The following NNMT variants were observed in gnomAD, a reference collection of about 807,000 sequenced individuals.
The protein encoded by NNMT is nicotinamide N-methyltransferase.
NNMT carries 10 observed loss-of-function variants against 11.7 expected under a neutral mutation model. That is an observed-to-expected ratio of 0.85 (90% CI 0.53 to 1.45). The LOEUF (loss-of-function observed/expected upper bound fraction) is 1.45, where lower values mean the gene tolerates loss of function less well. NNMT is among the 40% of genes most tolerant of loss of function. The pLI, the probability that NNMT is intolerant of heterozygous loss-of-function variation, is 0.00. For missense variants in NNMT, 381 were observed against 319.4 expected (o/e 1.19, Z -1.47); for synonymous variants, 143 against 133.8 (o/e 1.07, Z -0.48).
At chr11:114,266,864 C>T (rs987423520) in intron 2 of NNMT, among the ~76,000 whole-genome samples, 4 of 152,244 alleles carry the variant, frequency 2.6e-5, no homozygotes, top group African/African-American at 9.6e-5. Flanking sequence ...GTGCCATGCC[C>T]TTGGACTTCC....
chr11:114,301,656 A>G (rs1945440232), intron 2 of NNMT, among the ~76,000 whole-genome samples: 1 of 152,022 alleles, frequency 6.6e-6, no homozygotes, highest in South Asian at 2.1e-4. Context: ...TTTTTAGAGC[A>G]GTGAGACTAC....
At chr11:114,267,352 C>T (rs10082585) in intron 2 of NNMT, among the ~76,000 whole-genome samples, 46,578 of 151,942 alleles carry the variant, frequency 0.31, 8,028 homozygotes, top group African/African-American at 0.47. Context: ...TATTTGTTTA[C>T]TTGTCATGGT....
intron 2 of NNMT, among the ~76,000 whole-genome samples, chr11:114,288,180 T>C (rs1945311841): frequency 6.6e-6 from 1 of 152,198 alleles, no homozygotes; most frequent in South Asian, 2.1e-4. Flanking sequence ...GTAACAGTTT[T>C]TTCTTTTTCC....
intron 2 of NNMT, among the ~76,000 whole-genome samples, chr11:114,284,968 A>G (rs971579893): frequency 4.0e-5 from 6 of 151,404 alleles, no homozygotes; most frequent in Non-Finnish European, 8.8e-5. Flanking sequence ...CAGTTTCATC[A>G]TGTTGGCGAG....
At chr11:114,309,151 T>A (rs994807473) in intron 2 of NNMT, among the ~76,000 whole-genome samples, 2 of 152,250 alleles carry the variant, frequency 1.3e-5, no homozygotes, top group Non-Finnish European at 1.5e-5. Context: ...CCTTTTGATA[T>A]ACACTTTATT....
At chr11:114,303,478 T>G (rs1945458751) in intron 2 of NNMT, among the ~76,000 whole-genome samples, 1 of 152,202 alleles carries the variant, frequency 6.6e-6, no homozygotes, top group African/African-American at 2.4e-5. Flanking sequence ...TTAGAATTAT[T>G]TGGACATATT....
At position 114,312,100 on chromosome 11, in the gene NNMT, A is replaced by C. The variant is rs1229700417; in HGVS notation, c.418A>C (p.Lys140Gln). 6.2e-7 allele frequency: 1 copy of C among 1,609,998 alleles called. No homozygotes were observed. Among genetic ancestry groups the C allele is most frequent in the Non-Finnish European group, 8.5e-7 (1 of 1,177,192 alleles). The change falls in exon 3 of 3, where the codon AAG becomes CAG. Residue 140 changes from lysine (K) to glutamine (Q), a missense_variant. Transcript: ENST00000299964. Reference protein sequence around the residue: ...KLRQAVKQVLKCDVTQSQPLG... With the variant: ...KLRQAVKQVLQCDVTQSQPLG... Reference sequence around the variant, plus strand: ...GAGACAGGCGGTCAAGCAGGTGCTGAAGTGTGATGTGACTCAGAGCCAGCC... The same window carrying C: ...GAGACAGGCGGTCAAGCAGGTGCTGCAGTGTGATGTGACTCAGAGCCAGCC...
chr11:114,296,470 A>T lies in NNMT; in HGVS notation c.-87A>T. The T allele has an allele frequency of 2.8e-6, 4 of 1,441,586 alleles. No individual in the cohort carries two copies. The highest frequency in any genetic ancestry group is 3.8e-6 in the Non-Finnish European group (4 of 1,057,048). The allele number at this position is 1,441,586 out of a possible 1,614,324, so 89.3% of individuals were successfully genotyped here. A position where few individuals can be genotyped will look rare whatever the true frequency, so the allele number is the denominator to read the frequency against. Reference sequence around the variant, plus strand: ...AAGGAATGCTGTTAGCCTGAGACTCAGGAAGACAACTTCTGCAGGGTCACT... The same window carrying T: ...AAGGAATGCTGTTAGCCTGAGACTCTGGAAGACAACTTCTGCAGGGTCACT... On this transcript the variant is annotated 5_prime_UTR_variant, in exon 1 of 3. Coordinates refer to ENST00000299964, the MANE Select transcript of NNMT (RefSeq NM_006169.3).
chr11:114,308,207 A>T (rs2135282929), intron 2 of NNMT, among the ~76,000 whole-genome samples: 1 of 152,284 alleles, frequency 6.6e-6, no homozygotes, highest in Middle Eastern at 3.4e-3. Context: ...TCTGTCAAAG[A>T]TGCACTAATG....
chr11:114,301,330 G>A (rs1945437734), intron 2 of NNMT, among the ~76,000 whole-genome samples: 3 of 152,134 alleles, frequency 2.0e-5, no homozygotes. Context: ...GATGTTTATA[G>A]TAGCTATATT....
At chr11:114,271,929 G>A (rs1353282349) in intron 2 of NNMT, among the ~76,000 whole-genome samples, 1 of 152,088 alleles carries the variant, frequency 6.6e-6, no homozygotes, top group African/African-American at 2.4e-5. Flanking sequence ...AAAGCCTGGG[G>A]GTTGGTTGAG....
intron 2 of NNMT, among the ~76,000 whole-genome samples, chr11:114,286,146 G>A (rs1245560364): frequency 6.6e-6 from 1 of 152,146 alleles, no homozygotes; most frequent in Non-Finnish European, 1.5e-5. Context: ...GAGTGAAAAA[G>A]AAACACTAGG....
chr11:114,294,643 AC>A, upstream of NNMT, among the ~76,000 whole-genome samples: 1 of 152,200 alleles, frequency 6.6e-6, no homozygotes, highest in East Asian at 1.9e-4. Flanking sequence ...AGTGGTGGAT[AC>A]CCCATTTACC....
Position 114,278,612 on chromosome 11 carries a change from ATGTG to A in NNMT, c.-130+15702_-130+15705del, listed in dbSNP as rs3057704. Among the ~76,000 whole-genome samples the A allele has an allele frequency of 7.6e-4, 112 of 147,120 alleles. 1 individual carries two copies. The highest frequency in any genetic ancestry group is 2.4e-3 in the East Asian group (12 of 4,936). ...GGGGTGGGAGGTGGACCTAATACTC[ATGTG>A]TGTGTGTGTGTGTGTGTGTGTGTAT... On this transcript the variant is annotated intron_variant, in intron 2 of 4. Transcript: ENST00000535401.
In NNMT at chr11:114,308,352, A is replaced by G. The variant is rs138903620; in HGVS notation, c.363-3693A>G. 1.6e-3 allele frequency among the ~76,000 whole-genome samples: 243 copies of G among 152,218 alleles called. 1 individual carries two copies. Among genetic ancestry groups the G allele is most frequent in the Non-Finnish European group, 2.8e-3 (189 of 68,000 alleles). ...AGGATGGGGCTTTGGGGATGTGAGG[A>G]CAATGAAAAACAGCTTGTCAGGGAG... On this transcript the variant is annotated intron_variant, in intron 2 of 2. Transcript: ENST00000299964.
At chr11:114,265,265 A>G (rs553685385) in intron 2 of NNMT, among the ~76,000 whole-genome samples, 1 of 152,188 alleles carries the variant, frequency 6.6e-6, no homozygotes, top group Non-Finnish European at 1.5e-5. Flanking sequence ...GACCAAATAT[A>G]TATTTCACAA....
chr11:114,270,856 C>A (rs1330190384), intron 2 of NNMT, among the ~76,000 whole-genome samples: 1 of 151,906 alleles, frequency 6.6e-6, no homozygotes. Context: ...CTCACTGCAA[C>A]CTTTGCCTCT....
chr11:114,308,413 A>T (rs955981911), intron 2 of NNMT, among the ~76,000 whole-genome samples: 3 of 152,178 alleles, frequency 2.0e-5, no homozygotes, highest in African/African-American at 7.2e-5. Context: ...GAGACAGGGC[A>T]GGAGGAACCG....
chr11:114,298,738 T>C (rs949372), intron 2 of NNMT, among the ~76,000 whole-genome samples: 146,079 of 152,328 alleles, frequency 0.96, 70,355 homozygotes, highest in Middle Eastern at 1. Context: ...TTTGTATACT[T>C]ACAACTAATG....
Sources: gnomAD v4.1 joint callset for allele counts (sites outside exome capture counted in the v4.1 genomes callset) on GRCh38, gnomAD v4.1.1 for gene constraint, MANE v1.5 for transcripts, NCBI Gene and HGNC (gene_info 2026-07-23, HGNC 2026-07-21) for gene names.